The following DCDC1 variants were observed in gnomAD, a reference collection of about 807,000 sequenced individuals.
DCDC1 encodes doublecortin domain containing 1, also known as doublecortin domain-containing protein 1.
Under a neutral mutation model 178.3 loss-of-function variants are expected in DCDC1, and 200 were observed. The ratio of observed to expected loss-of-function variants is 1.12; its 90% CI spans 1.00 to 1.26. The LOEUF (loss-of-function observed/expected upper bound fraction) is 1.26. Among genes scored for constraint, DCDC1 ranks in the 50% most tolerant of loss-of-function variants. The pLI, the probability that DCDC1 is intolerant of heterozygous loss-of-function variation, is 0.00. For missense variants in DCDC1, 1,983 were observed against 1,749.2 expected, an observed-to-expected ratio of 1.13 and a Z score of -2.38; for synonymous variants, 690 against 604.8, an observed-to-expected ratio of 1.14 and a Z score of -2.07.
intron 38 of DCDC1, among the ~76,000 whole-genome samples, chr11:30,870,477 T>C (rs1941440440): frequency 6.6e-6 from 1 of 152,102 alleles, no homozygotes; most frequent in Admixed American, 6.6e-5. Context: ...GAGAGTGAGG[T>C]AGTAGGAAAC....
intron 9 of DCDC1, among the ~76,000 whole-genome samples, chr11:31,195,690 T>C (rs976774042): frequency 1.3e-5 from 2 of 152,026 alleles, no homozygotes; most frequent in African/African-American, 4.8e-5. Flanking sequence ...GTTTCTAATA[T>C]ATATTTATAT....
chr11:31,358,998 A>G (rs1419784530), intron 1 of DCDC1, among the ~76,000 whole-genome samples: 1 of 152,248 alleles, frequency 6.6e-6, no homozygotes, highest in Admixed American at 6.5e-5. Context: ...ACTGTAAACT[A>G]GTTCCACCAT....
intron 2 of DCDC1, among the ~76,000 whole-genome samples, chr11:31,329,184 T>C (rs1448066511): frequency 6.6e-6 from 1 of 152,040 alleles, no homozygotes; most frequent in Non-Finnish European, 1.5e-5. Flanking sequence ...TTGCTAGCTT[T>C]AAGAAAAATG....
intron 21 of DCDC1, among the ~76,000 whole-genome samples, chr11:30,933,748 C>T (rs2134331818): frequency 6.6e-6 from 1 of 152,268 alleles, no homozygotes; most frequent in East Asian, 1.9e-4. Flanking sequence ...GGCACAACAT[C>T]CCACTGCTGT....
intron 18 of DCDC1, among the ~76,000 whole-genome samples, chr11:31,066,652 A>C (rs1396960179): frequency 1.3e-5 from 2 of 152,234 alleles, no homozygotes; most frequent in Non-Finnish European, 1.5e-5. Context: ...ATTACTAAAC[A>C]TAAGAGTCGA....
intron 9 of DCDC1, among the ~76,000 whole-genome samples, chr11:31,192,622 CAT>C (rs2136360785): frequency 6.6e-6 from 1 of 152,196 alleles, no homozygotes; most frequent in African/African-American, 2.4e-5. Flanking sequence ...TATACACACA[CAT>C]ATGGAAAATG....
chr11:31,344,496 C>T (rs1026000981), intron 1 of DCDC1, among the ~76,000 whole-genome samples: 1 of 152,222 alleles, frequency 6.6e-6, no homozygotes, highest in African/African-American at 2.4e-5. Flanking sequence ...TGCCCACTTA[C>T]AAGCTGTGTC....
At position 31,333,353 on chromosome 11, in the gene DCDC1, T is replaced by C. The variant is rs555710066; in HGVS notation, c.-7+2094A>G. Among the ~76,000 whole-genome samples the C allele has an allele frequency of 3.7e-4, 57 of 152,338 alleles. 1 individual carries two copies. Among genetic ancestry groups the C allele is most frequent in the Non-Finnish European group, 7.3e-4 (50 of 68,030 alleles). On this transcript the variant is annotated intron_variant, in intron 2 of 38. Transcript: ENST00000684477. ...ATCCAATTTCCCAGTCTGTGTCTTG[T>C]AATTGGGGCATTTAGCCCATTTACA... is the stretch of plus-strand genomic sequence containing the variant.
intron 8 of DCDC1, among the ~76,000 whole-genome samples, chr11:31,251,608 A>C (rs750577079): frequency 6.6e-6 from 1 of 152,106 alleles, no homozygotes; most frequent in Non-Finnish European, 1.5e-5. Context: ...AGAGAGAGAC[A>C]GAGAAACAGA....
rs766467211 is a variant in DCDC1 at position 31,065,072 on chromosome 11, G to A, written c.2380C>T (p.His794Tyr). 7.8e-6 allele frequency: 6 copies of A among 765,318 alleles called. No homozygotes were observed. The East Asian group carries it at 1.5e-4, about 19-fold the overall frequency. The allele number at this position is 765,318 out of a possible 1,614,324, so 47.4% of individuals were successfully genotyped here. The change falls in exon 19 of 39, where the codon CAT becomes TAT. Residue 794 changes from histidine to tyrosine, a missense_variant. His to Tyr is a moderately conservative substitution (Grantham distance 83, BLOSUM62 2). Coordinates refer to ENST00000684477, the MANE Select transcript of DCDC1 (RefSeq NM_001387274.1). The stretch of plus-strand genomic sequence containing the variant: ...TGATGAGCTGTGGTCCAGGCACCAT[G>A]GTGAATGTGATACTCTGTCTGGGTC... ...DVTQTEYHIH[H>Y]GAWTTAHQEH...
intron 9 of DCDC1, among the ~76,000 whole-genome samples, chr11:31,159,523 T>C (rs1452453867): frequency 6.6e-6 from 1 of 152,192 alleles, no homozygotes; most frequent in Non-Finnish European, 1.5e-5. Context: ...TAATGCATGG[T>C]CTGTATTTGG....
At chr11:31,275,554 G>C (rs974942423) in intron 7 of DCDC1, among the ~76,000 whole-genome samples, 6 of 152,110 alleles carry the variant, frequency 3.9e-5, no homozygotes, top group Non-Finnish European at 8.8e-5. Flanking sequence ...GCCTAGGCTG[G>C]AGTGCAATGG....
At chr11:30,958,654 T>C (rs549131501) in intron 20 of DCDC1, among the ~76,000 whole-genome samples, 3 of 152,260 alleles carry the variant, frequency 2.0e-5, no homozygotes, top group South Asian at 2.1e-4. Context: ...CTAGAATACA[T>C]GGGTTCAGAA....
chr11:31,070,152 C>A (rs535990032), intron 18 of DCDC1, among the ~76,000 whole-genome samples: 1 of 152,180 alleles, frequency 6.6e-6, no homozygotes, highest in African/African-American at 2.4e-5. Flanking sequence ...ACTTTAATAC[C>A]ACAGTTATTC....
At chr11:30,985,760 C>A (rs1307520817) in intron 20 of DCDC1, among the ~76,000 whole-genome samples, 1 of 152,074 alleles carries the variant, frequency 6.6e-6, no homozygotes, top group Non-Finnish European at 1.5e-5. Context: ...TTCCAAAGTC[C>A]ACATCCTTCC....
intron 9 of DCDC1, among the ~76,000 whole-genome samples, chr11:31,227,517 A>C (rs188050314): frequency 3.2e-4 from 48 of 152,270 alleles, no homozygotes; most frequent in Non-Finnish European, 5.1e-4. Context: ...GGGGGAAAAA[A>C]ATACTAACTA....
intron 9 of DCDC1, among the ~76,000 whole-genome samples, chr11:31,141,972 T>C (rs984513487): frequency 3.9e-5 from 6 of 152,190 alleles, no homozygotes; most frequent in African/African-American, 1.2e-4. Context: ...TGTGTGTTAT[T>C]GTAGAGCTGA....
intron 20 of DCDC1, among the ~76,000 whole-genome samples, chr11:30,958,749 T>C (rs1395612968): frequency 6.6e-6 from 1 of 152,114 alleles, no homozygotes; most frequent in Non-Finnish European, 1.5e-5. Flanking sequence ...TCTAAAACCT[T>C]AGGCTTTGCT....
At chr11:31,189,246 T>A (rs1969861907) in intron 9 of DCDC1, among the ~76,000 whole-genome samples, 1 of 152,174 alleles carries the variant, frequency 6.6e-6, no homozygotes, top group Admixed American at 6.5e-5. Flanking sequence ...AATATGAGAA[T>A]GCTATTACAT....
Sources: allele counts gnomAD v4.1 joint callset (sites outside exome capture counted in the v4.1 genomes callset), GRCh38; gene constraint gnomAD v4.1.1; transcripts MANE v1.5; gene names NCBI Gene and HGNC (gene_info 2026-07-23, HGNC 2026-07-21).